AGBL2: variants seen among roughly 807,000 people sequenced by gnomAD.
AGBL2 encodes cytosolic carboxypeptidase 2.
In AGBL2, 87 loss-of-function variants were observed where a neutral mutation model predicts 103.0. The ratio of observed to expected loss-of-function variants is 0.84; its 90% CI spans 0.71 to 1.01. AGBL2 has a LOEUF of 1.01. AGBL2 is among the 50% of genes least tolerant of loss of function. The pLI, the probability that AGBL2 is intolerant of heterozygous loss-of-function variation, is 0.00. For synonymous variants in AGBL2, 335 were observed against 356.7 expected (o/e 0.94, Z 0.69); for missense variants, 904 against 1,023.5 (o/e 0.88, Z 1.59).
chr11:47,703,346 A>G (rs1044886032), intron 7 of AGBL2, among the ~76,000 whole-genome samples: 1 of 152,138 alleles, frequency 6.6e-6, no homozygotes, highest in Non-Finnish European at 1.5e-5. Flanking sequence ...TAGAAAACAG[A>G]TTTCAGTATT....
chr11:47,697,971 C>T (rs1300823193), intron 8 of AGBL2, among the ~76,000 whole-genome samples: 1 of 150,962 alleles, frequency 6.6e-6, no homozygotes. Flanking sequence ...AAACGATTCT[C>T]CTGCCTCAGC....
At chr11:47,677,165 G>T in intron 14 of AGBL2, 106 bp downstream of exon 14, 1 of 968,426 alleles carries the variant, frequency 1.0e-6, no homozygotes, top group Non-Finnish European at 1.4e-6. Context: ...AGATCACCAA[G>T]CCCAGCTAAT....
At chr11:47,701,232 A>G (rs2097497868) in intron 7 of AGBL2, among the ~76,000 whole-genome samples, 1 of 151,912 alleles carries the variant, frequency 6.6e-6, no homozygotes, top group African/African-American at 2.4e-5. Flanking sequence ...GCACTTTGGG[A>G]GGCCGAAGCG....
intron 18 of AGBL2, among the ~76,000 whole-genome samples, chr11:47,660,720 A>ATT (rs11380370): frequency 2.0e-5 from 3 of 151,828 alleles, no homozygotes; most frequent in East Asian, 1.9e-4. Context: ...CACCCAGCTA[A>ATT]TTTTTTTGTA....
At chr11:47,710,280 C>T in intron 4 of AGBL2, 97 bp downstream of exon 4, 1 of 1,488,032 alleles carries the variant, frequency 6.7e-7, no homozygotes, top group South Asian at 1.2e-5. Flanking sequence ...AAGGCTGCTC[C>T]CTGGCCTCTC....
chr11:47,689,472 T>C (rs1272587592), intron 10 of AGBL2, among the ~76,000 whole-genome samples: 1 of 151,844 alleles, frequency 6.6e-6, no homozygotes, highest in Non-Finnish European at 1.5e-5. Flanking sequence ...GCCTGGCTAA[T>C]TTTTGTATCT....
At chr11:47,694,861 A>G (rs916479611) in intron 8 of AGBL2, among the ~76,000 whole-genome samples, 4 of 152,192 alleles carry the variant, frequency 2.6e-5, no homozygotes, top group African/African-American at 4.8e-5. Flanking sequence ...CAAAAATGGC[A>G]CAACAGGCCA....
intron 17 of AGBL2, 98 bp downstream of exon 17, chr11:47,666,858 C>T (rs1186138395): frequency 1.1e-5 from 9 of 814,558 alleles, no homozygotes; most frequent in Non-Finnish European, 1.5e-5. Context: ...GTTAGGGTAA[C>T]GTAAATGGCT....
At chr11:47,678,343 A>ATTATTATTTTTT (rs2097385523) in intron 13 of AGBL2, among the ~76,000 whole-genome samples, 5 of 116,754 alleles carry the variant, frequency 4.3e-5, no homozygotes, top group Non-Finnish European at 7.7e-5. Flanking sequence ...TTATTATTTT[A>ATTATTATTTTTT]TTTTTTTTGA....
chr11:47,689,930 C>G (rs1364641275), intron 10 of AGBL2, 146 bp downstream of exon 10: 2 of 645,522 alleles, frequency 3.1e-6, no homozygotes, highest in East Asian at 6.0e-5. Flanking sequence ...AGTCACTTGA[C>G]TACAAAGAGA....
chr11:47,700,751 G>T (rs973802499), intron 7 of AGBL2, among the ~76,000 whole-genome samples: 1 of 152,006 alleles, frequency 6.6e-6, no homozygotes, highest in African/African-American at 2.4e-5. Context: ...AAGATTATAG[G>T]AAGTGATGAG....
chr11:47,675,445 C>T (rs1372905911), intron 14 of AGBL2, among the ~76,000 whole-genome samples: 6 of 126,570 alleles, frequency 4.7e-5, no homozygotes, highest in East Asian at 5.1e-4. Context: ...AACGCAGTGG[C>T]GCAATCCCAG....
chr11:47,667,023 G>C lies in AGBL2; in HGVS notation c.2381C>G (p.Thr794Ser). Residue 794 changes from threonine to serine, a missense_variant, in exon 17 of 19, where the codon ACC (threonine) becomes AGC (serine). Coordinates refer to ENST00000525123, the MANE Select transcript of AGBL2 (RefSeq NM_024783.4). ...GGAATTCTCTGAGTTTTTGAAAAAGGTTGGCTGCTTTTGCAGAGTAGAAGC... is the reference window on the plus strand; with the variant it reads ...GGAATTCTCTGAGTTTTTGAAAAAGCTTGGCTGCTTTTGCAGAGTAGAAGC... ...GFASTLQKQPTFFKNSENSSF... is the reference protein window; with the variant it reads ...GFASTLQKQPSFFKNSENSSF... 2 of 1,613,228 alleles carry C rather than the reference G, an allele frequency of 1.2e-6. No homozygotes were observed. Among genetic ancestry groups the C allele is most frequent in the Non-Finnish European group, 1.7e-6 (2 of 1,179,794 alleles).
rs367772382 is a variant in AGBL2 at position 47,682,196 on chromosome 11, T to G, written c.1789-101A>C. 1.6e-5 allele frequency: 19 copies of G among 1,201,898 alleles called. No individual in the cohort carries two copies. In the East Asian group the frequency reaches 4.9e-4, roughly 31 times the overall value. The allele number at this position is 1,201,898 out of a possible 1,614,324, so 74.5% of individuals were successfully genotyped here. On this transcript the variant is annotated intron_variant, in intron 11 of 18. Transcript: ENST00000525123. ...AAGAATAATTTCCTTGGGGTCCATA[T>G]GTTATTTCCCAAAGCATGTTCCACA...
At chr11:47,691,041 G>T (rs532243788) in intron 9 of AGBL2, among the ~76,000 whole-genome samples, 183 bp from the exon 10 acceptor site, 7 of 149,976 alleles carry the variant, frequency 4.7e-5, no homozygotes, top group African/African-American at 1.7e-4. Flanking sequence ...ATTACCTGAG[G>T]TCAGGAGTTC....
At chr11:47,711,514 A>G (rs1395496889) in intron 3 of AGBL2, among the ~76,000 whole-genome samples, 1 of 152,026 alleles carries the variant, frequency 6.6e-6, no homozygotes, top group Non-Finnish European at 1.5e-5. Context: ...ACCTTTCACA[A>G]TTGCCTACAC....
In AGBL2 at chr11:47,683,173, C is replaced by G. The variant is rs555199816; in HGVS notation, c.1789-1078G>C. 2.0e-5 allele frequency among the ~76,000 whole-genome samples: 3 copies of G among 151,934 alleles called. No individual in the cohort carries two copies. In the East Asian group the frequency reaches 5.9e-4, roughly 30 times the overall value. ...ATCACCTGAGGTCAGGAATTTGAGA[C>G]CAGCCTGGCCAAGATGGCGAAACCC... On this transcript the variant is annotated intron_variant, in intron 11 of 18. Coordinates refer to ENST00000525123, the MANE Select transcript of AGBL2 (RefSeq NM_024783.4).
intron 8 of AGBL2, among the ~76,000 whole-genome samples, chr11:47,695,239 C>G (rs1221092146): frequency 3.9e-5 from 6 of 152,070 alleles, no homozygotes; most frequent in African/African-American, 1.4e-4. Context: ...CTTTGGGAGG[C>G]TGAGGTGGGT....
In AGBL2 at chr11:47,714,467, C is replaced by T. The variant is rs1256841986; in HGVS notation, c.34-120G>A. The T allele has an allele frequency of 3.0e-6, 4 of 1,313,640 alleles. No individual in the cohort carries two copies. In the African/African-American group the frequency reaches 4.4e-5, roughly 14 times the overall value. The allele number at this position is 1,313,640 out of a possible 1,614,324, so 81.4% of individuals were successfully genotyped here. ...TAAACCAAGCGAGCTGCATTCCATG[C>T]GAATTATTCTATCGTGGGGATCAAG... On this transcript the variant is annotated intron_variant, in intron 2 of 18. Coordinates refer to ENST00000525123, the MANE Select transcript of AGBL2 (RefSeq NM_024783.4).
Sources: gnomAD v4.1 joint callset for allele counts (sites outside exome capture counted in the v4.1 genomes callset) on GRCh38, gnomAD v4.1.1 for gene constraint, MANE v1.5 for transcripts, NCBI Gene and HGNC (gene_info 2026-07-23, HGNC 2026-07-21) for gene names.